Variants in COL8A1 observed in about 807,000 individuals in gnomAD.
The protein encoded by COL8A1 is collagen type VIII alpha 1 chain, also known as collagen alpha-1(VIII) chain.
COL8A1 carries 21 observed loss-of-function variants against 42.7 expected under a neutral mutation model. The observed-to-expected ratio is 0.49, with a 90% CI of 0.35 to 0.71. The LOEUF (loss-of-function observed/expected upper bound fraction) is 0.71. Ranked by LOEUF, COL8A1 falls within the 30% of genes least tolerant of loss-of-function variation. The pLI is 0.01. For synonymous variants in COL8A1, 367 were observed against 369.1 expected, an observed-to-expected ratio of 0.99 and a Z score of 0.06; for missense variants, 788 against 962.4, an observed-to-expected ratio of 0.82 and a Z score of 2.40.
Position 99,660,436 on chromosome 3 carries a change from G to A in COL8A1, c.-129+21772G>A, listed in dbSNP as rs1938169816. Among the ~76,000 whole-genome samples, 3 of 152,182 alleles carry A rather than the reference G, an allele frequency of 2.0e-5. No individual in the cohort carries two copies. The South Asian group carries it at 6.2e-4, about 32-fold the overall frequency. On this transcript the variant is annotated intron_variant, in intron 1 of 3. Transcript: ENST00000652472. Reference sequence around the variant, plus strand: ...CAGTGACATAACTCCCACCAGATCAGTGGGACATCATCTCCCATCATCGTT... The same window carrying A: ...CAGTGACATAACTCCCACCAGATCAATGGGACATCATCTCCCATCATCGTT...
chr3:99,639,674 A>G (rs1937466296), intron 1 of COL8A1, among the ~76,000 whole-genome samples: 1 of 152,228 alleles, frequency 6.6e-6, no homozygotes, highest in Admixed American at 6.5e-5. Flanking sequence ...CATACTCCAC[A>G]GCCACTTCTG....
intron 1 of COL8A1, among the ~76,000 whole-genome samples, chr3:99,700,347 C>T (rs1939501076): frequency 6.6e-6 from 1 of 151,814 alleles, no homozygotes; most frequent in African/African-American, 2.4e-5. Context: ...CTCCGGGTTT[C>T]ACAGCTGGTG....
At chr3:99,721,903 G>A (rs568276550) in intron 1 of COL8A1, among the ~76,000 whole-genome samples, 2 of 151,808 alleles carry the variant, frequency 1.3e-5, no homozygotes, top group East Asian at 3.9e-4. Flanking sequence ...TTATGCGGGT[G>A]GTGATGTGGC....
intron 1 of COL8A1, among the ~76,000 whole-genome samples, chr3:99,657,940 A>G (rs1938076230): frequency 1.3e-5 from 2 of 152,090 alleles, no homozygotes; most frequent in Non-Finnish European, 2.9e-5. Context: ...CAGCCTGACC[A>G]ACATGGTGAA....
At chr3:99,778,284 T>G (rs1941731450) in intron 2 of COL8A1, among the ~76,000 whole-genome samples, 1 of 152,084 alleles carries the variant, frequency 6.6e-6, no homozygotes, top group South Asian at 2.1e-4. Flanking sequence ...GACAGTGAGT[T>G]TTTAGACCTA....
rs551386391 is a variant in COL8A1, at chr3:99,639,523, C to A, written c.-129+859C>A. 1.4e-3 allele frequency among the ~76,000 whole-genome samples: 207 copies of A among 152,232 alleles called. 1 individual carries two copies. Among genetic ancestry groups the A allele is most frequent in the African/African-American group, 4.6e-3 (192 of 41,540 alleles). On this transcript the variant is annotated intron_variant, in intron 1 of 3. Coordinates refer to ENST00000652472, the MANE Select transcript of COL8A1 (RefSeq NM_020351.4). The stretch of plus-strand genomic sequence containing the variant: ...TTTAATCCTTCTTTCCACCTTTTTT[C>A]CCCCGCATTTAGTAAATCACAACCT...
chr3:99,679,119 C>G (rs1938788842), intron 1 of COL8A1: 1 of 152,112 alleles, frequency 6.6e-6, no homozygotes, highest in Admixed American at 6.5e-5. Context: ...AGAAAAATAG[C>G]CTGAAGAATA....
chr3:99,705,978 A>G (rs202228685), intron 1 of COL8A1, among the ~76,000 whole-genome samples: 2 of 152,190 alleles, frequency 1.3e-5, no homozygotes, highest in East Asian at 3.8e-4. Flanking sequence ...CTACACTTTC[A>G]TAAATATCTT....
chr3:99,668,928 A>G (rs1205141727), intron 1 of COL8A1, among the ~76,000 whole-genome samples: 5 of 151,754 alleles, frequency 3.3e-5, no homozygotes, highest in Non-Finnish European at 7.4e-5. Flanking sequence ...ACAGCATAAA[A>G]CAATACACAT....
intron 1 of COL8A1, among the ~76,000 whole-genome samples, chr3:99,644,154 C>T (rs1426047123): frequency 6.6e-6 from 1 of 152,140 alleles, no homozygotes; most frequent in African/African-American, 2.4e-5. Context: ...AAACCAGACC[C>T]TCTCAAATGC....
chr3:99,753,031 G>A (rs986001977), intron 2 of COL8A1, among the ~76,000 whole-genome samples: 12 of 152,140 alleles, frequency 7.9e-5, no homozygotes, highest in Admixed American at 2.6e-4. Context: ...AAAATGGGAG[G>A]ACTGGGCAAA....
intron 1 of COL8A1, among the ~76,000 whole-genome samples, chr3:99,710,781 G>T (rs1318916555): frequency 1.3e-5 from 2 of 152,126 alleles, no homozygotes; most frequent in African/African-American, 4.8e-5. Flanking sequence ...TCACACAAAT[G>T]GCTAAGTGGT....
At position 99,794,946 on chromosome 3, in the gene COL8A1, G is replaced by A; in HGVS notation, c.1045G>A (p.Gly349Arg). The change falls in exon 4 of 4, where the codon GGG becomes AGG. Residue 349 changes from glycine to arginine, a missense_variant. Gly to Arg is a moderately radical substitution (Grantham distance 125). Coordinates refer to ENST00000652472, the MANE Select transcript of COL8A1 (RefSeq NM_020351.4). The surrounding 1 kb of genome is among the most constrained non-coding windows in gnomAD (Gnocchi z 4.3). The part of the protein sequence containing the change: ...PGLPGPPGLP[G>R]IGKPGFPGPK... ...GCTACCAGGACCCCCAGGCCTTCCA[G>A]GGATTGGGAAACCAGGCTTCCCAGG... 1.3e-6 allele frequency: 2 copies of A among 1,595,048 alleles called. No homozygotes were observed. The highest frequency in any genetic ancestry group is 1.7e-6 in the Non-Finnish European group (2 of 1,171,356).
intron 1 of COL8A1, among the ~76,000 whole-genome samples, chr3:99,741,590 TG>T (rs1940900801): frequency 6.6e-6 from 1 of 152,182 alleles, no homozygotes; most frequent in Non-Finnish European, 1.5e-5. Flanking sequence ...GAGCCCAACA[TG>T]GTTTTACTCA....
At chr3:99,786,600 C>T (rs542263269) in intron 2 of COL8A1, among the ~76,000 whole-genome samples, 3 of 152,244 alleles carry the variant, frequency 2.0e-5, no homozygotes, top group Middle Eastern at 3.4e-3. Context: ...ATGACTAAGA[C>T]ACCTGCATTG....
At position 99,723,448 on chromosome 3, in the gene COL8A1, C is replaced by T. The variant is rs550416307; in HGVS notation, c.-128-21449C>T. 9.2e-5 allele frequency among the ~76,000 whole-genome samples: 14 copies of T among 152,060 alleles called. No individual in the cohort carries two copies. The South Asian group carries it at 2.5e-3, about 27-fold the overall frequency. ...CTAGACAGTGGCAAGCAATATTGCCCCTTAAAACAAAAACAAAAACAAAAC... is the reference window on the plus strand; with the variant it reads ...CTAGACAGTGGCAAGCAATATTGCCTCTTAAAACAAAAACAAAAACAAAAC... On this transcript the variant is annotated intron_variant, in intron 1 of 3. Coordinates refer to ENST00000652472, the MANE Select transcript of COL8A1 (RefSeq NM_020351.4).
At chr3:99,720,023 CATTTATGG>C (rs1940106299) in intron 1 of COL8A1, among the ~76,000 whole-genome samples, 1 of 152,068 alleles carries the variant, frequency 6.6e-6, no homozygotes, top group African/African-American at 2.4e-5. Flanking sequence ...GAATTATAGT[CATTTATGG>C]TTTTGAGACA....
rs1942070074 is a variant in COL8A1, at chr3:99,794,772, G to C, written c.871G>C (p.Ala291Pro). The C allele has an allele frequency of 6.3e-7, 1 of 1,597,970 alleles. No homozygotes were observed. Among genetic ancestry groups the C allele is most frequent in the Non-Finnish European group, 8.5e-7 (1 of 1,174,300 alleles). Reference sequence around the variant, plus strand: ...CCAGGGCCCCCTGGGAAAGCCAGGGGCTCCAGGAGAACCTGGGCCACAAGG... The same window carrying C: ...CCAGGGCCCCCTGGGAAAGCCAGGGCCTCCAGGAGAACCTGGGCCACAAGG... Reference protein sequence around the residue: ...GPQGPLGKPGAPGEPGPQGPI... With the variant: ...GPQGPLGKPGPPGEPGPQGPI... Residue 291 changes from alanine to proline, a missense_variant, in exon 4 of 4, where the codon GCT becomes CCT. Transcript: ENST00000652472. The surrounding 1 kb of genome is among the most constrained non-coding windows in gnomAD (Gnocchi z 4.3).
chr3:99,741,372 T>A (rs1187150818), intron 1 of COL8A1, among the ~76,000 whole-genome samples: 1 of 152,202 alleles, frequency 6.6e-6, no homozygotes, highest in Non-Finnish European at 1.5e-5. Flanking sequence ...GTATTCCACA[T>A]TCAGTTTTCC....
Sources: gnomAD v4.1 joint callset for allele counts (sites outside exome capture counted in the v4.1 genomes callset) on GRCh38, gnomAD v4.1.1 for gene constraint, Gnocchi (gnomAD v3.1) non-coding constraint, MANE v1.5 for transcripts, NCBI Gene and HGNC (gene_info 2026-07-23, HGNC 2026-07-21) for gene names.